The following GLS variants were observed in gnomAD, a reference collection of about 807,000 sequenced individuals.
GLS encodes the protein glutaminase, also known as glutaminase kidney isoform, mitochondrial.
In GLS, 36 loss-of-function variants were observed where a neutral mutation model predicts 86.7. The ratio of observed to expected loss-of-function variants is 0.42; its 90% CI spans 0.32 to 0.55. GLS has a LOEUF of 0.55. Among genes scored for constraint, GLS ranks in the 20% least tolerant of loss-of-function variants. The probability of loss-of-function intolerance (pLI) is 0.17; values close to 1 mark genes in which losing one functional copy is unlikely to be tolerated. For synonymous variants in GLS, 317 were observed against 305.9 expected (o/e 1.04, Z -0.38); for missense variants, 528 against 833.4 (o/e 0.63, Z 4.51).
chr2:190,931,747 T>G lies in GLS; in HGVS notation c.1650+110T>G, dbSNP rs1012609496. On this transcript the variant is annotated intron_variant, in intron 14 of 17. Transcript: ENST00000320717. The stretch of plus-strand genomic sequence containing the variant: ...TTTGTTAGTGGCCTCGGGTCTTTGC[T>G]AATCATAAATGAGTGTAAACAAATT... 10 of 549,348 alleles carry G rather than the reference T, an allele frequency of 1.8e-5. No homozygotes were observed. In the East Asian group the frequency reaches 3.0e-4, roughly 16 times the overall value. The allele number at this position is 549,348 out of a possible 1,614,324, so 34.0% of individuals were successfully genotyped here. A position where few individuals can be genotyped will look rare whatever the true frequency, so the allele number is the denominator to read the frequency against.
At chr2:190,906,664 C>T (rs1263429612) in intron 6 of GLS, among the ~76,000 whole-genome samples, 1 of 152,146 alleles carries the variant, frequency 6.6e-6, no homozygotes, top group African/African-American at 2.4e-5. Flanking sequence ...CTATATTACA[C>T]CTTCCTGAAT....
Position 190,905,000 on chromosome 2 carries a change from A to G in GLS, c.816-4A>G. 1 of 1,535,424 alleles carries G rather than the reference A, an allele frequency of 6.5e-7. No individual in the cohort carries two copies. Among genetic ancestry groups the G allele is most frequent in the Non-Finnish European group, 9.0e-7 (1 of 1,116,010 alleles). On this transcript the variant is annotated splice_polypyrimidine_tract_variant and splice_region_variant and intron_variant, in intron 5 of 17. Coordinates refer to ENST00000320717, the MANE Select transcript of GLS (RefSeq NM_014905.5). ...TTATTTTTTAAAAATCTCCTTTTAAATAGGCATTCTACTGGAGATACCAAA... is the reference window on the plus strand; with the variant it reads ...TTATTTTTTAAAAATCTCCTTTTAAGTAGGCATTCTACTGGAGATACCAAA...
Position 190,953,958 on chromosome 2 carries a change from G to A in GLS, c.1712+332G>A, listed in dbSNP as rs1414613317. 3.0e-5 allele frequency among the ~76,000 whole-genome samples: 4 copies of A among 131,742 alleles called. No individual in the cohort carries two copies. Among genetic ancestry groups the A allele is most frequent in the Middle Eastern group, 3.8e-3 (1 of 266 alleles). The allele number at this position is 131,742 out of a possible 152,430, so 86.4% of individuals were successfully genotyped here. On this transcript the variant is annotated intron_variant, in intron 15 of 17. Transcript: ENST00000320717. The surrounding 1 kb of genome is among the most constrained non-coding windows in gnomAD (Gnocchi z 4.0). ...CATTCCCAATCTTTGATATGTGTGT[G>A]TGTGTGTGTGTGTGTGTGTGTGTGT...
intron 1 of GLS, among the ~76,000 whole-genome samples, chr2:190,894,146 T>A (rs367808545): frequency 6.6e-6 from 1 of 152,180 alleles, no homozygotes; most frequent in African/African-American, 2.4e-5. Flanking sequence ...ATGTATACAG[T>A]CTTGCCTTGT....
At chr2:190,891,007 T>C (rs1306471940) in intron 1 of GLS, among the ~76,000 whole-genome samples, 1 of 148,982 alleles carries the variant, frequency 6.7e-6, no homozygotes, top group Non-Finnish European at 1.5e-5. Context: ...TTTTCCTCTG[T>C]TCATTTTGTA....
chr2:190,903,066 T>C (rs550053029), intron 5 of GLS, among the ~76,000 whole-genome samples: 2 of 152,340 alleles, frequency 1.3e-5, no homozygotes, highest in East Asian at 3.9e-4. Flanking sequence ...TTTGATCTTT[T>C]ATGTTGCCCA....
intron 5 of GLS, among the ~76,000 whole-genome samples, chr2:190,902,969 C>T (rs1275071207): frequency 1.3e-5 from 2 of 152,136 alleles, no homozygotes; most frequent in Admixed American, 6.5e-5. Context: ...TTCGTTAAAA[C>T]TACTAAAAGC....
intron 1 of GLS, among the ~76,000 whole-genome samples, chr2:190,882,313 C>A (rs1357530518): frequency 2.6e-5 from 4 of 152,136 alleles, no homozygotes; most frequent in South Asian, 2.1e-4. Flanking sequence ...GTTGACTCAT[C>A]CTGTATGTGT....
At chr2:190,945,367 T>C (rs553074407) in intron 14 of GLS, among the ~76,000 whole-genome samples, 1 of 152,084 alleles carries the variant, frequency 6.6e-6, no homozygotes, top group Admixed American at 6.6e-5. Context: ...AAACTGGTCA[T>C]TGAAAAATTT....
chr2:190,906,577 G>C (rs1237478848), intron 6 of GLS, among the ~76,000 whole-genome samples: 3 of 152,118 alleles, frequency 2.0e-5, no homozygotes, highest in African/African-American at 4.8e-5. Flanking sequence ...AAGAGATTTT[G>C]CCTCGATATT....
intron 1 of GLS, among the ~76,000 whole-genome samples, chr2:190,883,586 GCTT>G (rs1688279363): frequency 1.3e-5 from 2 of 152,338 alleles, no homozygotes; most frequent in South Asian, 4.1e-4. Flanking sequence ...AGAAAACATT[GCTT>G]CTTCATTATT....
chr2:190,904,245 TTC>T (rs1689052390), intron 5 of GLS, among the ~76,000 whole-genome samples: 1 of 152,056 alleles, frequency 6.6e-6, no homozygotes, highest in East Asian at 1.9e-4. Flanking sequence ...CTAAACTGAG[TTC>T]TGTTTAACTT....
chr2:190,926,203 A>G (rs2124906196), intron 11 of GLS, among the ~76,000 whole-genome samples: 1 of 152,344 alleles, frequency 6.6e-6, no homozygotes, highest in East Asian at 1.9e-4. Flanking sequence ...CAAAATTCCA[A>G]TTAATGTTAA....
At chr2:190,900,087 A>G (rs1688887675) in intron 3 of GLS, among the ~76,000 whole-genome samples, 1 of 152,168 alleles carries the variant, frequency 6.6e-6, no homozygotes, top group Non-Finnish European at 1.5e-5. Context: ...GATATAATTA[A>G]GGAAAATATG....
At chr2:190,901,790 G>C (rs1045483396) in intron 4 of GLS, among the ~76,000 whole-genome samples, 157 bp from the exon 5 acceptor site, 11 of 152,122 alleles carry the variant, frequency 7.2e-5, no homozygotes, top group African/African-American at 1.9e-4. Context: ...TAGTTTTCAT[G>C]AGCATTGTTA....
chr2:190,911,823 T>C (rs1486825660), intron 7 of GLS, among the ~76,000 whole-genome samples: 1 of 152,156 alleles, frequency 6.6e-6, no homozygotes, highest in Non-Finnish European at 1.5e-5. Context: ...AGGTGTTCAC[T>C]ACTCTTCGAG....
intron 1 of GLS, 159 bp downstream of exon 1, chr2:190,881,629 C>CCCGGCCCCGCCCGCG (rs1222853636): frequency 7.4e-5 from 47 of 630,984 alleles, no homozygotes; most frequent in African/African-American, 3.3e-4. Context: ...TGTGATTAGG[C>CCCGGCCCCGCCCGCG]CCGGCCCCGC....
At chr2:190,961,689 GTTTT>G (rs11386437) in intron 17 of GLS, among the ~76,000 whole-genome samples, 2 of 135,888 alleles carry the variant, frequency 1.5e-5, no homozygotes, top group Admixed American at 7.5e-5. Context: ...TAATTCAGCT[GTTTT>G]TTTTTTTTTT....
intron 1 of GLS, among the ~76,000 whole-genome samples, chr2:190,884,864 A>G (rs1688321631): frequency 6.6e-6 from 1 of 152,236 alleles, no homozygotes; most frequent in Non-Finnish European, 1.5e-5. Flanking sequence ...AATTGGGAAA[A>G]TAGGAACTCT....
Sources: allele counts gnomAD v4.1 joint callset (sites outside exome capture counted in the v4.1 genomes callset), GRCh38; gene constraint gnomAD v4.1.1; non-coding constraint Gnocchi (gnomAD v3.1); transcripts MANE v1.5; gene names NCBI Gene and HGNC (gene_info 2026-07-23, HGNC 2026-07-21).